Variants in NALF1 observed in about 807,000 individuals in gnomAD.
NALF1 encodes the protein family with sequence similarity 155 member A.
Under a neutral mutation model 48.4 loss-of-function variants are expected in NALF1, and 3 were observed. The observed-to-expected ratio is 0.06, with a 90% CI of 0.03 to 0.16. The LOEUF is 0.16. Ranked by LOEUF, NALF1 falls within the 10% of genes least tolerant of loss-of-function variation. NALF1 has a pLI of 1.00. For synonymous variants in NALF1, 262 were observed against 245.7 expected (o/e 1.07, Z -0.62); for missense variants, 526 against 571.5 (o/e 0.92, Z 0.81).
chr13:107,537,053 G>A (rs1203427594), intron 1 of NALF1, among the ~76,000 whole-genome samples: 1 of 152,114 alleles, frequency 6.6e-6, no homozygotes, highest in Non-Finnish European at 1.5e-5. Flanking sequence ...ACACAGGGCG[G>A]GGAACATCAC....
At chr13:107,850,615 T>C (rs1381181784) in intron 1 of NALF1, among the ~76,000 whole-genome samples, 1 of 152,120 alleles carries the variant, frequency 6.6e-6, no homozygotes, top group Non-Finnish European at 1.5e-5. Flanking sequence ...ATTTAAAACA[T>C]TGGCTGGCCA....
intron 1 of NALF1, among the ~76,000 whole-genome samples, chr13:107,806,153 T>C (rs1566489088): frequency 6.6e-6 from 1 of 152,274 alleles, no homozygotes; most frequent in East Asian, 1.9e-4. Context: ...ACATGCGTTT[T>C]AGAGGGCTGA....
chr13:107,381,072 A>G (rs544124705), intron 1 of NALF1, among the ~76,000 whole-genome samples: 1 of 149,352 alleles, frequency 6.7e-6, no homozygotes, highest in Non-Finnish European at 1.5e-5. Flanking sequence ...ATTCATATAT[A>G]CATGACATAA....
chr13:107,531,445 G>A (rs1403744733), intron 1 of NALF1, among the ~76,000 whole-genome samples: 3 of 151,988 alleles, frequency 2.0e-5, no homozygotes, highest in Non-Finnish European at 4.4e-5. Flanking sequence ...CCCAGAAGCC[G>A]AGCAGATGCC....
chr13:107,208,330 C>T (rs1307452112), intron 2 of NALF1, among the ~76,000 whole-genome samples: 2 of 152,078 alleles, frequency 1.3e-5, no homozygotes, highest in South Asian at 2.1e-4. Context: ...TCCTTAATGA[C>T]GTAGCTATGT....
rs1304668754 is a variant in NALF1, at chr13:107,226,875, C to CT, written c.916-16121dup. ...AGGCCCAGAAAGTTTAAGTCCCTGA[C>CT]TGAAGTGAAGCCAGAGTTCATCTCC... On this transcript the variant is annotated intron_variant, in intron 1 of 2. Transcript: ENST00000375915. Among the ~76,000 whole-genome samples the CT allele has an allele frequency of 2.6e-5, 4 of 152,318 alleles. No homozygotes were observed. The East Asian group carries it at 7.7e-4, about 29-fold the overall frequency.
At chr13:107,694,848 T>C (rs374765062) in intron 1 of NALF1, among the ~76,000 whole-genome samples, 1 of 151,964 alleles carries the variant, frequency 6.6e-6, no homozygotes, top group East Asian at 1.9e-4. Flanking sequence ...GCTAGAATGC[T>C]GTAGCACAAT....
intron 1 of NALF1, among the ~76,000 whole-genome samples, chr13:107,425,406 C>A (rs979409606): frequency 3.3e-5 from 5 of 151,980 alleles, no homozygotes; most frequent in Non-Finnish European, 7.4e-5. Flanking sequence ...GAAAGAAAAG[C>A]CCAACTTAGA....
At chr13:107,505,486 A>G (rs1875666831) in intron 1 of NALF1, among the ~76,000 whole-genome samples, 2 of 152,282 alleles carry the variant, frequency 1.3e-5, no homozygotes, top group South Asian at 4.1e-4. Context: ...GAGAGCTGCT[A>G]GAGGCTGATT....
At chr13:107,470,529 C>G (rs1204224157) in intron 1 of NALF1, among the ~76,000 whole-genome samples, 1 of 152,112 alleles carries the variant, frequency 6.6e-6, no homozygotes, top group Admixed American at 6.5e-5. Context: ...TAACTGAGGT[C>G]AACGTTTCAC....
chr13:107,687,517 C>CACACACACAA (rs1594207536), intron 1 of NALF1, among the ~76,000 whole-genome samples: 1 of 149,376 alleles, frequency 6.7e-6, no homozygotes, highest in East Asian at 1.9e-4. Flanking sequence ...CACACACACA[C>CACACACACAA]ACATCACCTG....
At chr13:107,335,637 T>C (rs1882541736) in intron 1 of NALF1, among the ~76,000 whole-genome samples, 1 of 152,248 alleles carries the variant, frequency 6.6e-6, no homozygotes, top group Admixed American at 6.5e-5. Flanking sequence ...TTGATTGTAC[T>C]TCTTTTAACC....
At chr13:107,863,604 C>T (rs1880635685) in intron 1 of NALF1, among the ~76,000 whole-genome samples, 1 of 152,152 alleles carries the variant, frequency 6.6e-6, no homozygotes. Context: ...AAGGCGAAGA[C>T]TAAGTTTTTA....
intron 1 of NALF1, among the ~76,000 whole-genome samples, chr13:107,603,924 G>C (rs917722113): frequency 1.3e-4 from 20 of 152,074 alleles, no homozygotes; most frequent in African/African-American, 4.6e-4. Flanking sequence ...CATAGCAAGA[G>C]GTGACACATA....
chr13:107,283,646 T>G (rs1419037989), intron 1 of NALF1, among the ~76,000 whole-genome samples: 1 of 148,872 alleles, frequency 6.7e-6, no homozygotes, highest in African/African-American at 2.5e-5. Flanking sequence ...ATTTATTTAT[T>G]TATTTATTTA....
intron 1 of NALF1, among the ~76,000 whole-genome samples, chr13:107,444,024 G>C (rs917984734): frequency 6.6e-6 from 1 of 151,708 alleles, no homozygotes; most frequent in African/African-American, 2.4e-5. Context: ...AGTTTTTCTT[G>C]CATATACCTG....
intron 1 of NALF1, among the ~76,000 whole-genome samples, chr13:107,509,848 C>G (rs906543298): frequency 1.3e-5 from 2 of 152,068 alleles, no homozygotes; most frequent in African/African-American, 4.8e-5. Flanking sequence ...CTCTGTCACC[C>G]AGGCTTGAGT....
At chr13:107,396,350 C>G (rs947450723) in intron 1 of NALF1, among the ~76,000 whole-genome samples, 4 of 152,278 alleles carry the variant, frequency 2.6e-5, no homozygotes, top group Admixed American at 2.0e-4. Flanking sequence ...AAGATCTCTG[C>G]TAAGGCCAGC....
chr13:107,803,538 T>C (rs1478661306), intron 1 of NALF1, among the ~76,000 whole-genome samples: 1 of 152,196 alleles, frequency 6.6e-6, no homozygotes, highest in African/African-American at 2.4e-5. Context: ...CTTTAAAATA[T>C]CACGTTTTTA....
Sources: allele counts gnomAD v4.1 joint callset (sites outside exome capture counted in the v4.1 genomes callset), GRCh38; gene constraint gnomAD v4.1.1; transcripts MANE v1.5; gene names NCBI Gene and HGNC (gene_info 2026-07-23, HGNC 2026-07-21).